SLCO2A1: variants seen among roughly 807,000 people sequenced by gnomAD.
The protein encoded by SLCO2A1 is solute carrier organic anion transporter family member 2A1, also known as matrin F/G 1.
A neutral mutation model predicts 71.7 loss-of-function variants in SLCO2A1; 60 were observed. The observed-to-expected ratio is 0.84, with a 90% CI of 0.68 to 1.04. The LOEUF is 1.04. Among genes scored for constraint, SLCO2A1 ranks in the 50% least tolerant of loss-of-function variants. The pLI is 0.00. For missense variants in SLCO2A1, 745 were observed against 813.4 expected (o/e 0.92, Z 1.02); for synonymous variants, 308 against 326.7 (o/e 0.94, Z 0.62).
In SLCO2A1 at chr3:133,955,107, G is replaced by C. The variant is rs140769111; in HGVS notation, c.484C>G (p.Pro162Ala). 324 of 1,614,192 alleles carry C rather than the reference G, an allele frequency of 2.0e-4. No individual in the cohort carries two copies. The African/African-American group carries it at 3.8e-3, about 19-fold the overall frequency. The change falls in exon 4 of 14, where the codon CCC becomes GCC. Residue 162 changes from proline to alanine, a missense_variant. Physicochemically the swap from Pro to Ala is conservative, Grantham distance 27. Transcript: ENST00000310926. ...CACATGCTGCTGGTCTCCTTCTGGGGGTTCTGGGTGGTGCTGTGGCACTTA... is the reference window on the plus strand; with the variant it reads ...CACATGCTGCTGGTCTCCTTCTGGGCGTTCTGGGTGGTGCTGTGGCACTTA... ...PSKCHSTTQN[P>A]QKETSSMWGL...
chr3:133,945,750 G>A (rs561644008), intron 9 of SLCO2A1, among the ~76,000 whole-genome samples: 1 of 152,134 alleles, frequency 6.6e-6, no homozygotes, highest in Non-Finnish European at 1.5e-5. Flanking sequence ...GATTTCACTG[G>A]TTGATCTCAC....
chr3:133,979,273 C>T (rs547231150), intron 2 of SLCO2A1, among the ~76,000 whole-genome samples: 3 of 152,360 alleles, frequency 2.0e-5, no homozygotes, highest in African/African-American at 4.8e-5. Flanking sequence ...AGGCTTTCAG[C>T]TCAGTACCTG....
At chr3:133,991,389 C>G (rs1176164752) in intron 1 of SLCO2A1, among the ~76,000 whole-genome samples, 1 of 152,154 alleles carries the variant, frequency 6.6e-6, no homozygotes, top group East Asian at 1.9e-4. Flanking sequence ...GCCCAATGCC[C>G]CAAAGGGGAA....
Position 133,945,186 on chromosome 3 carries a change from G to C in SLCO2A1, c.1370C>G (p.Pro457Arg), listed in dbSNP as rs745763957. 61 of 1,614,038 alleles carry C rather than the reference G, an allele frequency of 3.8e-5. No homozygotes were observed. In the Admixed American group the frequency reaches 9.5e-4, roughly 25 times the overall value. ...CTCGATTCCATTGTCTCCACAGACC[G>C]GGTGGAAGATAGAATCTGGGCACGA... is the stretch of plus-strand genomic sequence containing the variant. ...DCSCPDSIFH[P>R]VCGDNGIEYL... The change falls in exon 10 of 14, where the codon CCG becomes CGG. Residue 457 changes from proline to arginine, a missense_variant. By Grantham distance (103) the Pro-to-Arg change is moderately radical. Transcript: ENST00000310926.
intron 3 of SLCO2A1, among the ~76,000 whole-genome samples, chr3:133,957,031 C>T (rs1335386337): frequency 6.6e-6 from 1 of 152,132 alleles, no homozygotes; most frequent in African/African-American, 2.4e-5. Flanking sequence ...TAAATATATC[C>T]AAAGCTTAAC....
intron 2 of SLCO2A1, among the ~76,000 whole-genome samples, chr3:133,975,973 T>C (rs549066450): frequency 3.0e-4 from 46 of 152,378 alleles, no homozygotes; most frequent in African/African-American, 1.1e-3. Flanking sequence ...TATTTATCCT[T>C]AGAATGATAT....
chr3:133,960,269 A>T (rs1340478814), intron 3 of SLCO2A1, among the ~76,000 whole-genome samples: 1 of 152,252 alleles, frequency 6.6e-6, no homozygotes, highest in African/African-American at 2.4e-5. Context: ...TATTCAGAGC[A>T]CTATCTTCCT....
chr3:133,997,687 G>A (rs531078120), intron 1 of SLCO2A1, among the ~76,000 whole-genome samples: 7 of 152,338 alleles, frequency 4.6e-5, no homozygotes, highest in Admixed American at 3.9e-4. Flanking sequence ...AGAACTGTGA[G>A]AGAATACATC....
chr3:133,935,565 A>G (rs1243107945), intron 13 of SLCO2A1, among the ~76,000 whole-genome samples: 1 of 152,202 alleles, frequency 6.6e-6, no homozygotes, highest in Non-Finnish European at 1.5e-5. Context: ...CTTTCGGGTC[A>G]TGGAAGTCCC....
intron 12 of SLCO2A1, among the ~76,000 whole-genome samples, chr3:133,936,132 A>G (rs1314645392): frequency 6.6e-6 from 1 of 152,240 alleles, no homozygotes; most frequent in Admixed American, 6.5e-5. Context: ...AAGTCAGAGT[A>G]AGTCACAGGG....
intron 3 of SLCO2A1, among the ~76,000 whole-genome samples, chr3:133,959,280 A>T (rs1933973223): frequency 6.6e-6 from 1 of 152,182 alleles, no homozygotes; most frequent in African/African-American, 2.4e-5. Context: ...TACTGTGCCT[A>T]ACAAACCCTG....
rs201623678 is a variant in SLCO2A1, at chr3:133,935,891, A to C, written c.1697T>G (p.Leu566Arg). The C allele has an allele frequency of 6.3e-7, 1 of 1,598,488 alleles. No homozygotes were observed. Among genetic ancestry groups the C allele is most frequent in the East Asian group, 2.2e-5 (1 of 44,600 alleles). ...GAGGCCATAGAGGGCTGGAGATGGCAGCCAGGCTGGAAGAGGGTTCAGAAA... is the reference window on the plus strand; with the variant it reads ...GAGGCCATAGAGGGCTGGAGATGGCCGCCAGGCTGGAAGAGGGTTCAGAAA... ...QFLLMRLLAWLPSPALYGLTI... is the reference protein window; with the variant it reads ...QFLLMRLLAWRPSPALYGLTI... The change falls in exon 13 of 14, where the codon CTG becomes CGG. Residue 566 changes from leucine (L) to arginine (R), a missense_variant. Physicochemically the swap from Leu to Arg is moderately radical, Grantham distance 102 (BLOSUM62 -2). Coordinates refer to ENST00000310926, the MANE Select transcript of SLCO2A1 (RefSeq NM_005630.3).
chr3:133,968,321 G>A (rs575423142), intron 3 of SLCO2A1, among the ~76,000 whole-genome samples: 7 of 151,800 alleles, frequency 4.6e-5, no homozygotes, highest in South Asian at 4.2e-4. Context: ...CCCAAACCAC[G>A]GGTGCCCCTC....
In SLCO2A1 at chr3:133,942,656, A is replaced by T. The variant is rs1933455292; in HGVS notation, c.1574T>A (p.Val525Glu). Residue 525 changes from valine to glutamate, a missense_variant, in exon 11 of 14, where the codon GTG becomes GAG. Val to Glu is a moderately radical substitution (Grantham distance 121, BLOSUM62 -2). Coordinates refer to ENST00000310926, the MANE Select transcript of SLCO2A1 (RefSeq NM_005630.3). Reference sequence around the variant, plus strand: ...GTGGGAGATGCAGGCTATCAGGGACACGAAGGAGATGAGGAAGATGGCCGG... The same window carrying T: ...GTGGGAGATGCAGGCTATCAGGGACTCGAAGGAGATGAGGAAGATGGCCGG... The part of the protein sequence containing the change: ...LLPAIFLISF[V>E]SLIACISHNP... 4.3e-6 allele frequency: 7 copies of T among 1,613,828 alleles called. No homozygotes were observed. Among genetic ancestry groups the T allele is most frequent in the Non-Finnish European group, 5.9e-6 (7 of 1,179,968 alleles).
intron 3 of SLCO2A1, chr3:133,955,419 G>A (rs539357802): frequency 2.9e-5 from 16 of 553,562 alleles, no homozygotes; most frequent in Admixed American, 1.0e-4. Context: ...TGGGCTCCCC[G>A]GCCCCAGGAG....
At chr3:134,022,985 C>T (rs143907626) in intron 1 of SLCO2A1, among the ~76,000 whole-genome samples, 327 of 152,262 alleles carry the variant, frequency 2.1e-3, no homozygotes, top group African/African-American at 7.6e-3. Context: ...CATGTACCAC[C>T]CCTAGAATTT....
chr3:133,973,808 G>A lies in SLCO2A1; in HGVS notation c.252C>T (p.Leu84=), dbSNP rs377718592. The change falls in exon 3 of 14, where the codon CTC becomes CTT. Residue 84 remains leucine, a synonymous_variant. Transcript: ENST00000310926. ...SSLNEISNAI[L]IIFVSYFGSR... is the part of the protein sequence containing the mutation. Reference sequence around the variant, plus strand: ...TGCCAAAGTAGCTGACAAAGATGATGAGGATGGCATTGCTGATCTGAGAAG... The same window carrying A: ...TGCCAAAGTAGCTGACAAAGATGATAAGGATGGCATTGCTGATCTGAGAAG... 2.5e-6 allele frequency: 4 copies of A among 1,613,482 alleles called. No homozygotes were observed. The Admixed American group carries it at 5.0e-5, about 20-fold the overall frequency.
chr3:134,006,835 ACCC>A lies in SLCO2A1; in HGVS notation c.96+22869_96+22871del, dbSNP rs1251677898. Among the ~76,000 whole-genome samples the A allele has an allele frequency of 1.4e-4, 22 of 152,302 alleles. No homozygotes were observed. In the South Asian group the frequency reaches 1.9e-3, roughly 13 times the overall value. ...CTGCTTTCAATGTTTTTGGATATAT[ACCC>A]AGAAGCAAAACTGCTAGATCATATT... On this transcript the variant is annotated intron_variant, in intron 1 of 13. Coordinates refer to ENST00000310926, the MANE Select transcript of SLCO2A1 (RefSeq NM_005630.3).
At chr3:133,992,168 T>C (rs778956673) in intron 1 of SLCO2A1, among the ~76,000 whole-genome samples, 4 of 152,198 alleles carry the variant, frequency 2.6e-5, no homozygotes, top group Non-Finnish European at 4.4e-5. Context: ...ACAATTTAAA[T>C]GGACACTGGA....
Sources: gnomAD v4.1 joint callset for allele counts (sites outside exome capture counted in the v4.1 genomes callset) on GRCh38, gnomAD v4.1.1 for gene constraint, MANE v1.5 for transcripts, NCBI Gene and HGNC (gene_info 2026-07-23, HGNC 2026-07-21) for gene names.